The following CYP3A43 variants were observed in gnomAD, a reference collection of about 807,000 sequenced individuals.
The protein encoded by CYP3A43 is cytochrome P450 3A43.
A neutral mutation model predicts 58.0 loss-of-function variants in CYP3A43; 45 were observed. That is an observed-to-expected ratio of 0.78 (90% CI 0.61 to 0.99). The LOEUF is 0.99. CYP3A43 is among the 50% of genes least tolerant of loss of function. CYP3A43 has a pLI of 0.00. For missense variants in CYP3A43, 593 were observed against 591.9 expected, an observed-to-expected ratio of 1.00 and a Z score of -0.02; for synonymous variants, 191 against 201.4, an observed-to-expected ratio of 0.95 and a Z score of 0.44.
At chr7:99,853,179 C>G (rs1166038619) in intron 7 of CYP3A43, among the ~76,000 whole-genome samples, 1 of 152,122 alleles carries the variant, frequency 6.6e-6, no homozygotes, top group Non-Finnish European at 1.5e-5. Context: ...GATATTAATT[C>G]TCCTTTAAAT....
chr7:99,840,726 C>T (rs1817297845), intron 3 of CYP3A43, among the ~76,000 whole-genome samples: 2 of 152,178 alleles, frequency 1.3e-5, no homozygotes, highest in Non-Finnish European at 2.9e-5. Context: ...ACCCCTGTGG[C>T]TCATGTGTTT....
At chr7:99,828,533 C>T (rs1213353408) in intron 1 of CYP3A43, among the ~76,000 whole-genome samples, 2 of 151,974 alleles carry the variant, frequency 1.3e-5, no homozygotes, top group Non-Finnish European at 1.5e-5. Flanking sequence ...TGGTGGCACA[C>T]ACCTGTAATC....
intron 7 of CYP3A43, among the ~76,000 whole-genome samples, chr7:99,852,969 T>A (rs910204550): frequency 6.6e-6 from 1 of 152,252 alleles, no homozygotes; most frequent in Non-Finnish European, 1.5e-5. Context: ...TATAATTATT[T>A]TTATATGTTG....
Position 99,844,223 on chromosome 7 carries a change from C to G in CYP3A43, c.299C>G (p.Ser100Cys). The G allele has an allele frequency of 6.2e-7, 1 of 1,613,910 alleles. No individual in the cohort carries two copies. Among genetic ancestry groups the G allele is most frequent in the Non-Finnish European group, 8.5e-7 (1 of 1,179,946 alleles). The change falls in exon 4 of 13, where the codon TCT (serine) becomes TGT (cysteine). Residue 100 changes from serine to cysteine, a missense_variant. Transcript: ENST00000354829. ...ACAGTGTTAGTGAAAGAATGTTACTCTGTCTTCACAAACCAGATGGTAGGC... is the reference window on the plus strand; with the variant it reads ...ACAGTGTTAGTGAAAGAATGTTACTGTGTCTTCACAAACCAGATGGTAGGC... ...IKTVLVKECY[S>C]VFTNQMPLGP...
intron 8 of CYP3A43, 66 bp downstream of exon 8, chr7:99,855,784 A>G: frequency 6.7e-7 from 1 of 1,501,266 alleles, no homozygotes; most frequent in Non-Finnish European, 9.0e-7. Flanking sequence ...CTGTTTACAT[A>G]CGATTTGTGC....
At chr7:99,838,777 C>G (rs1387109774) in intron 2 of CYP3A43, 6 of 754,084 alleles carry the variant, frequency 8.0e-6, no homozygotes, top group Non-Finnish European at 1.1e-5. Context: ...GTCAGGAGTT[C>G]GAGACCAGCT....
intron 1 of CYP3A43, among the ~76,000 whole-genome samples, chr7:99,835,517 C>T (rs959242016): frequency 3.3e-5 from 5 of 152,176 alleles, no homozygotes; most frequent in Non-Finnish European, 5.9e-5. Flanking sequence ...TATAAGCTCT[C>T]CTTCTTTTTC....
chr7:99,838,078 C>T (rs1233879326), intron 2 of CYP3A43, among the ~76,000 whole-genome samples: 1 of 152,182 alleles, frequency 6.6e-6, no homozygotes, highest in African/African-American at 2.4e-5. Flanking sequence ...TATATGTTGC[C>T]TAGTTAGAAC....
At chr7:99,863,750 G>A (rs866600011) in intron 12 of CYP3A43, 51 bp downstream of exon 12, 10 of 1,391,844 alleles carry the variant, frequency 7.2e-6, no homozygotes, top group Non-Finnish European at 9.6e-6. Flanking sequence ...TTTAAACTGA[G>A]AAGTCTACAT....
chr7:99,851,542 C>T (rs1329736495), intron 7 of CYP3A43, among the ~76,000 whole-genome samples: 1 of 152,204 alleles, frequency 6.6e-6, no homozygotes, highest in Non-Finnish European at 1.5e-5. Flanking sequence ...TCTCTAATGG[C>T]TAATAAAATT....
At chr7:99,843,845 A>G (rs1584212952) in intron 3 of CYP3A43, among the ~76,000 whole-genome samples, 1 of 152,246 alleles carries the variant, frequency 6.6e-6, no homozygotes, top group South Asian at 2.1e-4. Context: ...ACCTAGATGT[A>G]ACAAAGGCTT....
intron 9 of CYP3A43, among the ~76,000 whole-genome samples, chr7:99,858,490 C>T (rs1396110473): frequency 6.6e-6 from 1 of 152,018 alleles, no homozygotes; most frequent in Non-Finnish European, 1.5e-5. Flanking sequence ...AACCTGTAGT[C>T]ATAAATGCTG....
intron 4 of CYP3A43, among the ~76,000 whole-genome samples, chr7:99,846,890 A>C (rs1440042011): frequency 6.6e-6 from 1 of 152,210 alleles, no homozygotes; most frequent in Non-Finnish European, 1.5e-5. Flanking sequence ...GCAAGTTGGG[A>C]AATAGCATTC....
intron 11 of CYP3A43, 125 bp from the exon 12 acceptor site, chr7:99,863,412 A>C: frequency 1.6e-6 from 1 of 627,398 alleles, no homozygotes; most frequent in Non-Finnish European, 2.5e-6. Context: ...AACACCTGTA[A>C]TCCCAACACT....
At chr7:99,854,354 C>T (rs1355907287) in intron 7 of CYP3A43, among the ~76,000 whole-genome samples, 1 of 151,616 alleles carries the variant, frequency 6.6e-6, no homozygotes, top group Admixed American at 6.6e-5. Flanking sequence ...TTACAAGTGT[C>T]CACCACCATG....
At chr7:99,835,905 A>G (rs1340614804) in intron 1 of CYP3A43, among the ~76,000 whole-genome samples, 1 of 152,236 alleles carries the variant, frequency 6.6e-6, no homozygotes, top group Non-Finnish European at 1.5e-5. Context: ...ACAACAGAAC[A>G]ATCAGTACTG....
intron 3 of CYP3A43, among the ~76,000 whole-genome samples, chr7:99,842,704 G>T (rs1484148502): frequency 6.6e-6 from 1 of 152,174 alleles, no homozygotes. Flanking sequence ...ATGCAATACT[G>T]CCTTCCTTTA....
At chr7:99,849,899 G>A in intron 7 of CYP3A43, 1 of 573,074 alleles carries the variant, frequency 1.7e-6, no homozygotes, top group South Asian at 1.8e-5. Context: ...AACATTTTTT[G>A]TAAACTCAGA....
chr7:99,851,487 C>T (rs1020420033), intron 7 of CYP3A43, among the ~76,000 whole-genome samples: 7 of 148,302 alleles, frequency 4.7e-5, no homozygotes, highest in Admixed American at 1.3e-4. Flanking sequence ...TTTATAGACA[C>T]CTTACTACAT....
Sources: allele counts gnomAD v4.1 joint callset (sites outside exome capture counted in the v4.1 genomes callset), GRCh38; gene constraint gnomAD v4.1.1; transcripts MANE v1.5; gene names NCBI Gene and HGNC (gene_info 2026-07-23, HGNC 2026-07-21).